Variants in CAMTA1 observed in about 807,000 individuals in gnomAD.
CAMTA1 encodes calmodulin binding transcription activator 1, also known as calmodulin-binding transcription activator 1.
A neutral mutation model predicts 170.9 loss-of-function variants in CAMTA1; 27 were observed. That is an observed-to-expected ratio of 0.16 (90% CI 0.12 to 0.22). CAMTA1 has a LOEUF of 0.22. Among genes scored for constraint, CAMTA1 ranks in the 10% least tolerant of loss-of-function variants. CAMTA1 has a pLI of 1.00. For missense variants in CAMTA1, 1,619 were observed against 2,217.2 expected (o/e 0.73, Z 5.42); for synonymous variants, 833 against 891.5 (o/e 0.93, Z 1.17).
chr1:7,144,669 A>G lies in CAMTA1; in HGVS notation c.302+53298A>G, dbSNP rs2148640591. 6.6e-6 allele frequency among the ~76,000 whole-genome samples: 1 copy of G among 152,310 alleles called. No homozygotes were observed. The highest frequency in any genetic ancestry group is 2.1e-4 in the South Asian group (1 of 4,824). On this transcript the variant is annotated intron_variant, in intron 4 of 22. Transcript: ENST00000303635. This position sits in a 1 kb window ranked among gnomAD's most constrained non-coding sequence, Gnocchi z 4.0. ...ATTGTCAGGTCACACCACTCAGAATAATTACTAAAAACTGTGTCAAATGTA... is the reference window on the plus strand; with the variant it reads ...ATTGTCAGGTCACACCACTCAGAATGATTACTAAAAACTGTGTCAAATGTA...
chr1:7,426,290 G>T lies in CAMTA1; in HGVS notation c.439-41540G>T, dbSNP rs1339352644. Among the ~76,000 whole-genome samples the T allele has an allele frequency of 6.6e-6, 1 of 152,084 alleles. No homozygotes were observed. The highest frequency in any genetic ancestry group is 2.4e-5 in the African/African-American group (1 of 41,374). On this transcript the variant is annotated intron_variant, in intron 5 of 22. Coordinates refer to ENST00000303635, the MANE Select transcript of CAMTA1 (RefSeq NM_015215.4). The surrounding 1 kb of genome is among the most constrained non-coding windows in gnomAD (Gnocchi z 4.8). ...TCAGAGCATCCTCACTAGCATTTCT[G>T]TAGCCCCTCAGAGTCCTAGGGTGCC...
Position 7,736,772 on chromosome 1 carries a change from G to A in CAMTA1, c.3264-159G>A, listed in dbSNP as rs2149993835. On this transcript the variant is annotated intron_variant, in intron 13 of 22. Coordinates refer to ENST00000303635, the MANE Select transcript of CAMTA1 (RefSeq NM_015215.4). This position sits in a 1 kb window ranked among gnomAD's most constrained non-coding sequence, Gnocchi z 4.5. Reference sequence around the variant, plus strand: ...ACTTGTCATTTTCTTTGGACCCCTAGCCAAATGGAGCGTCCACACTGCCCT... The same window carrying A: ...ACTTGTCATTTTCTTTGGACCCCTAACCAAATGGAGCGTCCACACTGCCCT... 6.6e-6 allele frequency among the ~76,000 whole-genome samples: 1 copy of A among 152,200 alleles called. No individual in the cohort carries two copies. Among genetic ancestry groups the A allele is most frequent in the South Asian group, 2.1e-4 (1 of 4,822 alleles).
intron 3 of CAMTA1, among the ~76,000 whole-genome samples, chr1:7,083,812 G>A (rs1640353391): frequency 6.6e-6 from 1 of 152,114 alleles, no homozygotes; most frequent in African/African-American, 2.4e-5. Context: ...CAGAGATCTG[G>A]CACCACTGAA....
At chr1:7,499,406 A>T (rs2093928087) in intron 6 of CAMTA1, among the ~76,000 whole-genome samples, 1 of 87,578 alleles carries the variant, frequency 1.1e-5, no homozygotes, top group Non-Finnish European at 2.2e-5. Context: ...TGTGTACATG[A>T]GTGTGTAGAG....
At chr1:7,137,036 T>C (rs964577035) in intron 4 of CAMTA1, among the ~76,000 whole-genome samples, 8 of 152,180 alleles carry the variant, frequency 5.3e-5, no homozygotes, top group African/African-American at 1.4e-4. Flanking sequence ...GACTTAAGCG[T>C]CTGAACAAGC....
intron 3 of CAMTA1, among the ~76,000 whole-genome samples, chr1:6,884,008 G>A (rs1019960700): frequency 1.3e-5 from 2 of 152,044 alleles, no homozygotes; most frequent in Admixed American, 1.3e-4. Flanking sequence ...CTAATTTGAA[G>A]TAGACACATT....
chr1:6,985,864 A>T (rs910022203), intron 3 of CAMTA1, among the ~76,000 whole-genome samples: 2 of 152,220 alleles, frequency 1.3e-5, no homozygotes, highest in Non-Finnish European at 2.9e-5. Context: ...AAATGAGGAG[A>T]GAGGCCTTCT....
intron 6 of CAMTA1, among the ~76,000 whole-genome samples, chr1:7,507,927 G>A (rs992114729): frequency 3.3e-5 from 5 of 152,210 alleles, no homozygotes; most frequent in Non-Finnish European, 7.3e-5. Context: ...TCTGTTGACC[G>A]AATGCTGGTC....
intron 6 of CAMTA1, among the ~76,000 whole-genome samples, chr1:7,492,412 C>G (rs1278023567): frequency 6.6e-6 from 1 of 152,134 alleles, no homozygotes; most frequent in Non-Finnish European, 1.5e-5. Flanking sequence ...GGGGTGTGCA[C>G]ATGAGCAAGG....
chr1:6,885,852 T>C (rs1227633028), intron 3 of CAMTA1, among the ~76,000 whole-genome samples: 1 of 152,134 alleles, frequency 6.6e-6, no homozygotes, highest in Non-Finnish European at 1.5e-5. Flanking sequence ...CTACTTGCTG[T>C]TCCCTTCTCT....
intron 4 of CAMTA1, among the ~76,000 whole-genome samples, chr1:7,204,517 C>T (rs1026911093): frequency 2.2e-4 from 33 of 152,232 alleles, no homozygotes; most frequent in African/African-American, 7.7e-4. Context: ...CATTAGAAGA[C>T]ATACTTTGTA....
intron 6 of CAMTA1, among the ~76,000 whole-genome samples, chr1:7,621,652 G>A (rs1002215342): frequency 6.6e-6 from 1 of 152,212 alleles, no homozygotes; most frequent in Non-Finnish European, 1.5e-5. Context: ...CATTGGGAGT[G>A]TACTTAAATC....
intron 5 of CAMTA1, among the ~76,000 whole-genome samples, chr1:7,387,348 G>A (rs2088125935): frequency 1.3e-5 from 2 of 152,120 alleles, no homozygotes; most frequent in South Asian, 4.2e-4. Context: ...CCAACCAGGA[G>A]ACCTCACAAT....
intron 5 of CAMTA1, among the ~76,000 whole-genome samples, chr1:7,365,339 C>T (rs2150008544): frequency 6.6e-6 from 1 of 152,342 alleles, no homozygotes; most frequent in East Asian, 1.9e-4. Flanking sequence ...GAATAGATCA[C>T]ATTTTATTGT....
In CAMTA1 at chr1:7,235,445, C is replaced by A. The variant is rs116140842; in HGVS notation, c.303-14046C>A. Among the ~76,000 whole-genome samples the A allele has an allele frequency of 3.8e-3, 575 of 152,148 alleles. 5 individuals carry two copies. The highest frequency in any genetic ancestry group is 0.014 in the African/African-American group (563 of 41,520). ...TTTGAAACCAGCCTGGCCAACATGG[C>A]GAAACCCCTGTGTCTACTAAAAATA... is the stretch of plus-strand genomic sequence containing the variant. On this transcript the variant is annotated intron_variant, in intron 4 of 22. Coordinates refer to ENST00000303635, the MANE Select transcript of CAMTA1 (RefSeq NM_015215.4).
chr1:7,683,788 C>T (rs1465510527), intron 11 of CAMTA1, among the ~76,000 whole-genome samples: 1 of 152,254 alleles, frequency 6.6e-6, no homozygotes, highest in East Asian at 1.9e-4. Flanking sequence ...TCTGTGGGGC[C>T]TCCGTCATTA....
intron 6 of CAMTA1, among the ~76,000 whole-genome samples, chr1:7,484,790 GA>G (rs375611440): frequency 0.01 from 1,517 of 145,358 alleles, 19 homozygotes; most frequent in African/African-American, 0.031. Context: ...CTATGTCTCA[GA>G]AAAAAAAAAA....
At chr1:7,502,136 G>C (rs983451464) in intron 6 of CAMTA1, among the ~76,000 whole-genome samples, 4 of 152,240 alleles carry the variant, frequency 2.6e-5, no homozygotes, top group African/African-American at 9.6e-5. Context: ...ATGGGTCCAA[G>C]GTCAACGACA....
intron 4 of CAMTA1, among the ~76,000 whole-genome samples, chr1:7,134,196 C>T (rs1280609788): frequency 6.6e-6 from 1 of 152,192 alleles, no homozygotes; most frequent in Non-Finnish European, 1.5e-5. Context: ...TTATGACCTC[C>T]ACCTGCATCC....
Sources: allele counts gnomAD v4.1 joint callset (sites outside exome capture counted in the v4.1 genomes callset), GRCh38; gene constraint gnomAD v4.1.1; non-coding constraint Gnocchi (gnomAD v3.1); transcripts MANE v1.5; gene names NCBI Gene and HGNC (gene_info 2026-07-23, HGNC 2026-07-21).